Variants in P2RY8 observed in about 807,000 individuals in gnomAD.
The protein encoded by P2RY8 is S-geranylgeranyl-glutathione receptor P2RY8.
P2RY8 carries 6 observed loss-of-function variants against 10.0 expected under a neutral mutation model. That is an observed-to-expected ratio of 0.60 (90% CI 0.33 to 1.19). The LOEUF (loss-of-function observed/expected upper bound fraction) is 1.19. P2RY8 is among the 50% of genes most tolerant of loss of function. P2RY8 has a pLI of 0.04. For missense variants in P2RY8, 456 were observed against 542.0 expected (o/e 0.84, Z 1.58); for synonymous variants, 276 against 252.5 (o/e 1.09, Z -0.88).
intron 1 of P2RY8, among the ~76,000 whole-genome samples, chrX:1,521,038 T>C (rs1213216468): frequency 3.5e-5 from 5 of 142,012 alleles, no homozygotes; most frequent in South Asian, 2.4e-4. Flanking sequence ...TCTTTTCTTT[T>C]TTTTTTTTTT....
intron 1 of P2RY8, among the ~76,000 whole-genome samples, chrX:1,481,600 G>C (rs2091936320): frequency 6.6e-6 from 1 of 151,864 alleles, no homozygotes; most frequent in Non-Finnish European, 1.5e-5. Context: ...TCCAGCTTTG[G>C]GATTAGGAGA....
chrX:1,483,865 G>A (rs1453498604), intron 1 of P2RY8, among the ~76,000 whole-genome samples: 1 of 148,912 alleles, frequency 6.7e-6, no homozygotes, highest in Admixed American at 6.7e-5. Context: ...TAAACCTGAA[G>A]CTGGGCTGCC....
chrX:1,506,511 G>T (rs1371484577), intron 1 of P2RY8, among the ~76,000 whole-genome samples: 3 of 152,028 alleles, frequency 2.0e-5, no homozygotes, highest in Non-Finnish European at 4.4e-5. Flanking sequence ...TGAGCTGGGG[G>T]TATCAGGAGT....
At position 1,466,520 on chromosome X, in the gene P2RY8, C is replaced by A. The variant is rs139083185; in HGVS notation, c.39G>T (p.Thr13=). ...TCGCCGGGTTCCGCAGCATCTGCAGCGTCGCGTTGTCCGGGCCGGTGCTGT... is the reference window on the plus strand; with the variant it reads ...TCGCCGGGTTCCGCAGCATCTGCAGAGTCGCGTTGTCCGGGCCGGTGCTGT... ...VPNSTGPDNA[T]LQMLRNPAIA... is the part of the protein sequence containing the mutation. The change falls in exon 2 of 2, where the codon ACG becomes ACT. Residue 13 remains threonine, a synonymous_variant. Transcript: ENST00000381297. 6.2e-7 allele frequency: 1 copy of A among 1,609,856 alleles called. No homozygotes were observed. The highest frequency in any genetic ancestry group is 8.5e-7 in the Non-Finnish European group (1 of 1,179,458).
At chrX:1,500,240 T>A (rs1174813539) in intron 1 of P2RY8, among the ~76,000 whole-genome samples, 2 of 152,046 alleles carry the variant, frequency 1.3e-5, no homozygotes, top group East Asian at 3.9e-4. Flanking sequence ...TTTATTCTTT[T>A]TGGTGTTATT....
chrX:1,514,830 T>TTTCCTTCCC (rs1167072774), intron 1 of P2RY8, among the ~76,000 whole-genome samples: 398 of 11,146 alleles, frequency 0.036, 52 homozygotes, highest in African/African-American at 0.11. Context: ...TCCCTTTCCC[T>TTTCCTTCCC]TTCCTTCCCT....
chrX:1,524,798 C>G (rs2092427489), intron 1 of P2RY8, among the ~76,000 whole-genome samples: 1 of 111,682 alleles, frequency 9.0e-6, no homozygotes, highest in African/African-American at 3.2e-5. Flanking sequence ...TCCATTCATC[C>G]ATCCACTCAT....
At chrX:1,517,137 GCTGTGGGAGAATCAAT>G (rs2092357103) in intron 1 of P2RY8, among the ~76,000 whole-genome samples, 2 of 150,976 alleles carry the variant, frequency 1.3e-5, no homozygotes, top group African/African-American at 4.9e-5. Context: ...AGCCTCCAGG[GCTGTGGGAGAATCAAT>G]GTCTCTTGTT....
At chrX:1,495,883 C>T (rs1257982291) in intron 1 of P2RY8, among the ~76,000 whole-genome samples, 1 of 134,114 alleles carries the variant, frequency 7.5e-6, no homozygotes, top group Non-Finnish European at 1.7e-5. Context: ...GACTAAGACA[C>T]CTCATAAGAA....
intron 1 of P2RY8, among the ~76,000 whole-genome samples, chrX:1,479,271 C>T (rs1268787842): frequency 3.3e-5 from 5 of 152,258 alleles, no homozygotes; most frequent in African/African-American, 9.6e-5. Flanking sequence ...AGGACATACA[C>T]CCGTCACCAC....
intron 1 of P2RY8, among the ~76,000 whole-genome samples, chrX:1,531,068 GTCTA>G (rs1231360384): frequency 0.024 from 3,595 of 149,906 alleles, 99 homozygotes; most frequent in African/African-American, 0.062. Flanking sequence ...CTGTCTGTCT[GTCTA>G]TCTATCTATC....
At chrX:1,467,841 G>C (rs1443511867) in intron 1 of P2RY8, among the ~76,000 whole-genome samples, 1 of 151,278 alleles carries the variant, frequency 6.6e-6, no homozygotes, top group African/African-American at 2.4e-5. Flanking sequence ...ACCACGCCCA[G>C]CTAATATTTT....
rs2092032997 is a variant in P2RY8, at chrX:1,490,392, G to C, written c.-24-23810C>G. On this transcript the variant is annotated intron_variant, in intron 1 of 1. Transcript: ENST00000381297. ...CCAGATATTCCCTGCAAATGTGGAG[G>C]GAATGAATGAATGATACCCCAGATT... 3.3e-5 allele frequency among the ~76,000 whole-genome samples: 5 copies of C among 150,440 alleles called. No homozygotes were observed. The South Asian group carries it at 1.0e-3, about 31-fold the overall frequency.
intron 1 of P2RY8, among the ~76,000 whole-genome samples, chrX:1,528,850 C>T (rs1323227766): frequency 6.6e-6 from 1 of 152,056 alleles, no homozygotes; most frequent in African/African-American, 2.4e-5. Flanking sequence ...ATTTGAGTCT[C>T]TTTGAATGAG....
At chrX:1,507,164 T>C (rs5948927) in intron 1 of P2RY8, among the ~76,000 whole-genome samples, 73,358 of 151,486 alleles carry the variant, frequency 0.48, 20,725 homozygotes, top group East Asian at 0.7. Flanking sequence ...TCCAAAAGCC[T>C]CCCGAAGCCC....
intron 1 of P2RY8, among the ~76,000 whole-genome samples, chrX:1,477,711 A>G (rs1166162529): frequency 6.6e-6 from 1 of 152,228 alleles, no homozygotes; most frequent in East Asian, 1.9e-4. Context: ...GCCCCACCAC[A>G]GAGGATCATC....
chrX:1,512,425 T>C (rs2092305121), intron 1 of P2RY8, among the ~76,000 whole-genome samples: 1 of 151,580 alleles, frequency 6.6e-6, no homozygotes, highest in African/African-American at 2.4e-5. Context: ...TGGGTACCTG[T>C]CATCCCAGCT....
chrX:1,526,415 A>G (rs1311545808), intron 1 of P2RY8, among the ~76,000 whole-genome samples: 1 of 151,688 alleles, frequency 6.6e-6, no homozygotes, highest in South Asian at 2.1e-4. Context: ...TTATTCATGC[A>G]TCCATTCATT....
intron 1 of P2RY8, among the ~76,000 whole-genome samples, chrX:1,507,630 G>A (rs1162822834): frequency 1.3e-5 from 2 of 152,096 alleles, no homozygotes; most frequent in East Asian, 1.9e-4. Flanking sequence ...ACAGCACCCG[G>A]CGGAGTCCCC....
Sources: gnomAD v4.1 joint callset for allele counts (sites outside exome capture counted in the v4.1 genomes callset) on GRCh38, gnomAD v4.1.1 for gene constraint, MANE v1.5 for transcripts, NCBI Gene and HGNC (gene_info 2026-07-23, HGNC 2026-07-21) for gene names.